CTBP2: variants seen among roughly 807,000 people sequenced by gnomAD.
CTBP2 encodes C-terminal-binding protein 2.
A neutral mutation model predicts 80.3 loss-of-function variants in CTBP2; 30 were observed. The observed-to-expected ratio is 0.37, with a 90% CI of 0.28 to 0.51. The LOEUF is 0.51. CTBP2 is among the 20% of genes least tolerant of loss of function. The probability of loss-of-function intolerance (pLI) is 0.93; values close to 1 mark genes in which losing one functional copy is unlikely to be tolerated. For synonymous variants in CTBP2, 594 were observed against 587.4 expected, an observed-to-expected ratio of 1.01 and a Z score of -0.16; for missense variants, 1,212 against 1,375.3, an observed-to-expected ratio of 0.88 and a Z score of 1.88.
At position 125,159,448 on chromosome 10, in the gene CTBP2, C is replaced by T. The variant is rs1233218235; in HGVS notation, c.-206+871G>A. Among the ~76,000 whole-genome samples the T allele has an allele frequency of 2.1e-5, 3 of 145,786 alleles. No homozygotes were observed. The East Asian group carries it at 6.1e-4, about 29-fold the overall frequency. ...GCGCCCGCCGCCCGGCCCGCCCAGGCCCCCCGCCCCGCCGCGACTTTGGCG... is the reference window on the plus strand; with the variant it reads ...GCGCCCGCCGCCCGGCCCGCCCAGGTCCCCCGCCCCGCCGCGACTTTGGCG... On this transcript the variant is annotated intron_variant, in intron 1 of 10. Coordinates refer to the CTBP2 transcript ENST00000337195.
intron 2 of CTBP2, among the ~76,000 whole-genome samples, chr10:125,053,461 C>T (rs577749971): frequency 1.3e-5 from 2 of 152,334 alleles, no homozygotes; most frequent in South Asian, 2.1e-4. Flanking sequence ...GGAAGGCCCT[C>T]TGTCCTCTCC....
chr10:125,039,443 T>C (rs74685922), intron 2 of CTBP2, among the ~76,000 whole-genome samples: 7,033 of 152,314 alleles, frequency 0.046, 247 homozygotes, highest in Non-Finnish European at 0.063. Flanking sequence ...TTTAGGGCTA[T>C]AAATTCCAAT....
intron 1 of CTBP2, among the ~76,000 whole-genome samples, chr10:125,134,313 C>A (rs561993020): frequency 6.6e-6 from 1 of 152,328 alleles, no homozygotes; most frequent in South Asian, 2.1e-4. Flanking sequence ...TAGGCCAACT[C>A]AAGTCCACCC....
intron 1 of CTBP2, among the ~76,000 whole-genome samples, chr10:125,137,141 A>G (rs770627266): frequency 3.9e-5 from 6 of 152,272 alleles, no homozygotes; most frequent in Admixed American, 1.3e-4. Context: ...CAATTCGCCA[A>G]GATACTGAAA....
At chr10:125,121,397 G>C (rs1854301028) in intron 1 of CTBP2, among the ~76,000 whole-genome samples, 1 of 152,158 alleles carries the variant, frequency 6.6e-6, no homozygotes, top group Admixed American at 6.6e-5. Context: ...AGGAAACCGG[G>C]TTCTATTTAA....
At chr10:124,992,455 G>A (rs1309921493) in intron 8 of CTBP2, among the ~76,000 whole-genome samples, 1 of 152,140 alleles carries the variant, frequency 6.6e-6, no homozygotes, top group Non-Finnish European at 1.5e-5. Context: ...CCTAGCACCT[G>A]TGGTCAATCA....
chr10:125,058,233 C>G (rs1347317996), intron 2 of CTBP2, among the ~76,000 whole-genome samples: 4 of 152,042 alleles, frequency 2.6e-5, no homozygotes, highest in African/African-American at 9.7e-5. Flanking sequence ...GCGCCCTCCC[C>G]AAAGTCACCC....
chr10:125,054,379 C>T (rs1397196324), intron 2 of CTBP2, among the ~76,000 whole-genome samples: 4 of 152,196 alleles, frequency 2.6e-5, no homozygotes, highest in African/African-American at 9.7e-5. Flanking sequence ...AGGCCAGCTG[C>T]CATGCCAGCT....
intron 2 of CTBP2, among the ~76,000 whole-genome samples, chr10:125,072,929 T>A (rs535863012): frequency 7.9e-5 from 12 of 152,308 alleles, no homozygotes; most frequent in Non-Finnish European, 1.8e-4. Context: ...AACTGTTGAC[T>A]ACAGTTTTGG....
chr10:125,159,948 C>G, intron 1 of CTBP2: 1 of 150,452 alleles, frequency 6.6e-6, no homozygotes, highest in Non-Finnish European at 1.4e-5. Context: ...CGCCGCCGCG[C>G]TCGGGGTTTC....
intron 2 of CTBP2, among the ~76,000 whole-genome samples, chr10:125,051,974 A>G (rs780163676): frequency 1.3e-5 from 2 of 152,212 alleles, no homozygotes; most frequent in African/African-American, 2.4e-5. Context: ...CTTGGAAGGA[A>G]GCACCCCTGC....
intron 1 of CTBP2, among the ~76,000 whole-genome samples, chr10:125,007,204 C>T (rs1955361528): frequency 2.0e-5 from 3 of 152,384 alleles, no homozygotes; most frequent in African/African-American, 7.2e-5. Flanking sequence ...TGACAGCTTG[C>T]CCACATTAAC....
At position 124,984,854 on chromosome 10, in the gene CTBP2, C is replaced by A. The variant is rs1424057154; in HGVS notation, c.*4664G>T. ...TGACGGAGGGGGGAGTTCTGGTTGC[C>A]ATGCAGAAGAGTTCTCGGCGGCGAA... is the stretch of plus-strand genomic sequence containing the variant. On this transcript the variant is annotated 3_prime_UTR_variant, in exon 9 of 9. Transcript: ENST00000309035. The A allele has an allele frequency of 1.9e-6, 3 of 1,613,882 alleles. No homozygotes were observed. The highest frequency in any genetic ancestry group is 2.5e-6 in the Non-Finnish European group (3 of 1,179,978).
chr10:125,068,667 C>T (rs1845006134), intron 2 of CTBP2, among the ~76,000 whole-genome samples: 1 of 152,178 alleles, frequency 6.6e-6, no homozygotes, highest in South Asian at 2.1e-4. Context: ...GAGACAACTA[C>T]TGGGTTTCCC....
Position 124,998,719 on chromosome 10 carries a change from C to T in CTBP2, c.1979-549G>A, listed in dbSNP as rs11818992. On this transcript the variant is annotated intron_variant, in intron 3 of 8. Transcript: ENST00000309035. The stretch of plus-strand genomic sequence containing the variant: ...CGGATGCAAGGGCTGGCCCCGGGAA[C>T]GGAACCGATGGCCGAAGCGTGTGCA... 5.3e-3 allele frequency: 908 copies of T among 171,796 alleles called. 10 individuals are homozygous for T. The highest frequency in any genetic ancestry group is 0.02 in the African/African-American group (846 of 42,078). The allele number at this position is 171,796 out of a possible 1,614,324, so 10.6% of individuals were successfully genotyped here.
chr10:125,046,262 C>T (rs1028417260), intron 2 of CTBP2, among the ~76,000 whole-genome samples: 6 of 152,080 alleles, frequency 3.9e-5, no homozygotes, highest in African/African-American at 1.4e-4. Flanking sequence ...GAGGGCCAGG[C>T]GTAGTGGCTC....
chr10:125,061,952 G>A (rs1965049677), intron 2 of CTBP2, among the ~76,000 whole-genome samples: 1 of 152,196 alleles, frequency 6.6e-6, no homozygotes, highest in African/African-American at 2.4e-5. Flanking sequence ...AGAGGCCCAG[G>A]GTAGAAAACA....
Position 125,026,092 on chromosome 10 carries a change from T to C in CTBP2, c.1668A>G (p.Ala556=), listed in dbSNP as rs1429982904. 6.4e-7 allele frequency: 1 copy of C among 1,566,450 alleles called. No individual in the cohort carries two copies. Among genetic ancestry groups the C allele is most frequent in the Non-Finnish European group, 8.7e-7 (1 of 1,151,458 alleles). The change falls in exon 1 of 9, where the codon GCA becomes GCG. Residue 556 remains alanine, a synonymous_variant. Coordinates refer to ENST00000309035, the MANE Select transcript of CTBP2 (RefSeq NM_022802.3). ...GGGAGGATGTATTACTTGGTTCTGG[T>C]GCAAGCATGGTGGACACGATGATGG...
chr10:125,050,231 C>T lies in CTBP2; in HGVS notation c.-101-11076G>A, dbSNP rs867384231. ...GCCGCTCTGCAGCATCATGGGGCACCGGTACCCTGTCTCCTGCGACAGGTC... is the reference window on the plus strand; with the variant it reads ...GCCGCTCTGCAGCATCATGGGGCACTGGTACCCTGTCTCCTGCGACAGGTC... On this transcript the variant is annotated intron_variant, in intron 2 of 10. Coordinates refer to the CTBP2 transcript ENST00000337195. 1.3e-4 allele frequency among the ~76,000 whole-genome samples: 20 copies of T among 152,268 alleles called. 1 individual carries two copies. Among genetic ancestry groups the T allele is most frequent in the South Asian group, 4.1e-4 (2 of 4,822 alleles).
Sources: gnomAD v4.1 joint callset for allele counts (sites outside exome capture counted in the v4.1 genomes callset) on GRCh38, gnomAD v4.1.1 for gene constraint, MANE v1.5 for transcripts, NCBI Gene and HGNC (gene_info 2026-07-23, HGNC 2026-07-21) for gene names.